ACOT13: variants seen among roughly 807,000 people sequenced by gnomAD.
ACOT13 encodes the protein acyl-CoA thioesterase 13.
A neutral mutation model predicts 11.8 loss-of-function variants in ACOT13; 10 were observed. That is an observed-to-expected ratio of 0.85 (90% CI 0.53 to 1.44). ACOT13 has a LOEUF of 1.44. Among genes scored for constraint, ACOT13 ranks in the 40% most tolerant of loss-of-function variants. The pLI, the probability that ACOT13 is intolerant of heterozygous loss-of-function variation, is 0.00. For synonymous variants in ACOT13, 53 were observed against 61.0 expected (o/e 0.87, Z 0.61); for missense variants, 172 against 174.1 (o/e 0.99, Z 0.07).
intron 1 of ACOT13, among the ~76,000 whole-genome samples, chr6:24,690,301 G>T (rs1458645904): frequency 6.6e-6 from 1 of 152,194 alleles, no homozygotes; most frequent in Non-Finnish European, 1.5e-5. Flanking sequence ...AACTGGAAGT[G>T]TGAACAAGCA....
At chr6:24,701,422 A>T (rs370403925) in intron 2 of ACOT13, 37 bp from the exon 3 acceptor site, 181 of 1,568,544 alleles carry the variant, frequency 1.2e-4, no homozygotes, top group Non-Finnish European at 1.4e-4. Flanking sequence ...CCCTTTGAAA[A>T]ATTATCTGCT....
intron 1 of ACOT13, among the ~76,000 whole-genome samples, chr6:24,678,255 G>T (rs1778488593): frequency 1.3e-5 from 2 of 152,138 alleles, no homozygotes; most frequent in African/African-American, 4.8e-5. Context: ...TTAAGGTCCA[G>T]GACTGTAAAC....
chr6:24,687,705 AT>A (rs3033242), intron 1 of ACOT13: 188,627 of 1,231,254 alleles, frequency 0.15, 94 homozygotes, highest in Non-Finnish European at 0.16. Flanking sequence ...TAAGAATAGA[AT>A]TTTTTTTTTT....
chr6:24,678,021 A>T (rs180733700), intron 1 of ACOT13, among the ~76,000 whole-genome samples: 2 of 152,312 alleles, frequency 1.3e-5, no homozygotes, highest in Admixed American at 1.3e-4. Context: ...CAGGTTTCTG[A>T]TCGGGTGGCT....
intron 2 of ACOT13, chr6:24,700,915 A>C (rs1027758952): frequency 6.6e-6 from 1 of 151,084 alleles, no homozygotes; most frequent in East Asian, 1.9e-4. Context: ...CATCTCCCCA[A>C]TTTTTTTTTT....
intron 1 of ACOT13, among the ~76,000 whole-genome samples, chr6:24,691,410 G>A (rs1778715378): frequency 6.6e-6 from 1 of 152,106 alleles, no homozygotes; most frequent in Admixed American, 6.6e-5. Context: ...CTATTTTAGT[G>A]GAGCAAATCA....
intron 1 of ACOT13, among the ~76,000 whole-genome samples, chr6:24,690,290 G>GA (rs1012734611): frequency 6.6e-5 from 10 of 152,276 alleles, no homozygotes; most frequent in Admixed American, 5.9e-4. Flanking sequence ...CTTTAAAGGA[G>GA]AACTGGAAGT....
At chr6:24,686,552 CTATTT>C (rs1236083958) in intron 1 of ACOT13, among the ~76,000 whole-genome samples, 7 of 151,766 alleles carry the variant, frequency 4.6e-5, no homozygotes, top group South Asian at 4.2e-4. Flanking sequence ...CTTTTCTTTT[CTATTT>C]TATTTTATTC....
intron 1 of ACOT13, among the ~76,000 whole-genome samples, chr6:24,683,464 A>T (rs900031790): frequency 1.3e-5 from 2 of 151,994 alleles, no homozygotes; most frequent in African/African-American, 4.8e-5. Context: ...TTGCACCAAG[A>T]GGCGGAGTTT....
intron 1 of ACOT13, among the ~76,000 whole-genome samples, chr6:24,677,506 C>T (rs1386583393): frequency 6.6e-6 from 1 of 152,246 alleles, no homozygotes; most frequent in Non-Finnish European, 1.5e-5. Context: ...TTTGCCAGTA[C>T]ATCAATTTCC....
chr6:24,680,268 A>G (rs1300942626), intron 1 of ACOT13, among the ~76,000 whole-genome samples: 2 of 152,214 alleles, frequency 1.3e-5, no homozygotes, highest in Admixed American at 6.5e-5. Context: ...TCAAGAGGCC[A>G]GGTTTCTCCC....
In ACOT13 at chr6:24,674,391, G is replaced by C. The variant is rs151143255; in HGVS notation, c.81+7047G>C. ...TTGAATTAGACAAAACTTGTTCACCGTTTTTGGGGGGTTTTGTTTGTTTTT... is the reference window on the plus strand; with the variant it reads ...TTGAATTAGACAAAACTTGTTCACCCTTTTTGGGGGGTTTTGTTTGTTTTT... On this transcript the variant is annotated intron_variant, in intron 1 of 2. Coordinates refer to ENST00000230048, the MANE Select transcript of ACOT13 (RefSeq NM_018473.4). Among the ~76,000 whole-genome samples, 698 of 143,468 alleles carry C rather than the reference G, an allele frequency of 4.9e-3. 6 individuals carry two copies. The highest frequency in any genetic ancestry group is 0.016 in the African/African-American group (647 of 40,152). The allele number at this position is 143,468 out of a possible 152,430, so 94.1% of individuals were successfully genotyped here.
At chr6:24,686,682 T>G (rs1206645097) in intron 1 of ACOT13, among the ~76,000 whole-genome samples, 2 of 150,522 alleles carry the variant, frequency 1.3e-5, no homozygotes, top group Admixed American at 6.7e-5. Context: ...CTTTTCTGTC[T>G]TCTCTTCTCT....
At chr6:24,694,859 T>TAAAA (rs1778770203) in intron 1 of ACOT13, among the ~76,000 whole-genome samples, 1 of 152,254 alleles carries the variant, frequency 6.6e-6, no homozygotes, top group African/African-American at 2.4e-5. Flanking sequence ...TATTAGTATG[T>TAAAA]CCTTTGGCCT....
At position 24,667,274 on chromosome 6, in the gene ACOT13, T is replaced by C. The variant is rs1778274337; in HGVS notation, c.11T>C (p.Met4Thr). Residue 4 changes from methionine to threonine, a missense_variant, in exon 1 of 3, where the codon ATG becomes ACG. Transcript: ENST00000230048. MTSMTQSLREVIKA... is the reference protein window; with the variant it reads MTSTTQSLREVIKA... The stretch of plus-strand genomic sequence containing the variant: ...GGAAAACCGTCCACGATGACCAGCA[T>C]GACTCAGTCTCTGCGGGAGGTGATA... 6.2e-7 allele frequency: 1 copy of C among 1,614,038 alleles called. No homozygotes were observed. Among genetic ancestry groups the C allele is most frequent in the African/African-American group, 1.3e-5 (1 of 74,934 alleles).
chr6:24,670,262 C>T (rs1445601903), intron 1 of ACOT13, among the ~76,000 whole-genome samples: 2 of 152,098 alleles, frequency 1.3e-5, no homozygotes, highest in African/African-American at 4.8e-5. Flanking sequence ...GAACTTTGTT[C>T]CATAGAAGGA....
intron 1 of ACOT13, chr6:24,687,372 A>T: frequency 9.2e-7 from 1 of 1,092,074 alleles, no homozygotes; most frequent in Non-Finnish European, 1.1e-6. Flanking sequence ...TATCGTGTTT[A>T]AGTTAGTTGC....
chr6:24,673,141 T>C (rs1778389417), intron 1 of ACOT13, among the ~76,000 whole-genome samples: 1 of 152,174 alleles, frequency 6.6e-6, no homozygotes, highest in Non-Finnish European at 1.5e-5. Context: ...AGTTTTTTCC[T>C]AAACATAGGA....
chr6:24,701,490 A>G lies in ACOT13; in HGVS notation c.298A>G (p.Ile100Val), dbSNP rs1284993681. 6.2e-7 allele frequency: 1 copy of G among 1,612,906 alleles called. No homozygotes were observed. The highest frequency in any genetic ancestry group is 1.3e-5 in the African/African-American group (1 of 74,916). The change falls in exon 3 of 3, where the codon ATA (isoleucine) becomes GTA (valine). Residue 100 changes from isoleucine (I) to valine (V), a missense_variant. Coordinates refer to ENST00000230048, the MANE Select transcript of ACOT13 (RefSeq NM_018473.4). ...GTCACCTGCAAAATTAGGAGAAGAT[A>G]TAGTGATTACAGCACATGTTCTGAA... is the stretch of plus-strand genomic sequence containing the variant. ...YMSPAKLGED[I>V]VITAHVLKQG...
Sources: allele counts gnomAD v4.1 joint callset (sites outside exome capture counted in the v4.1 genomes callset), GRCh38; gene constraint gnomAD v4.1.1; transcripts MANE v1.5; gene names NCBI Gene and HGNC (gene_info 2026-07-23, HGNC 2026-07-21).